The following G2E3 variants were observed in gnomAD, a reference collection of about 807,000 sequenced individuals.
G2E3 encodes the protein G2/M phase-specific E3 ubiquitin-protein ligase.
G2E3 carries 35 observed loss-of-function variants against 92.8 expected under a neutral mutation model. The observed-to-expected ratio is 0.38, with a 90% confidence interval of 0.29 to 0.50. The LOEUF is 0.50. G2E3 is among the 20% of genes least tolerant of loss of function. The pLI is 0.94. For synonymous variants in G2E3, 242 were observed against 272.4 expected, an observed-to-expected ratio of 0.89 and a Z score of 1.10; for missense variants, 554 against 823.8, an observed-to-expected ratio of 0.67 and a Z score of 4.01.
In G2E3 at chr14:30,602,161, A is replaced by C. The variant is rs754575998; in HGVS notation, c.1010+30A>C. On this transcript the variant is annotated intron_variant, in intron 10 of 14. Coordinates refer to ENST00000206595, the MANE Select transcript of G2E3 (RefSeq NM_017769.5). ...GTATTTTGAATTGGAGAAATACATA[A>C]AAATCTATTTGGAGAAAATTATGAT... 4 of 1,542,104 alleles carry C rather than the reference A, an allele frequency of 2.6e-6. No individual in the cohort carries two copies. The South Asian group carries it at 3.5e-5, about 14-fold the overall frequency.
rs750300605 is a variant in G2E3, at chr14:30,605,682, T to G, written c.1188T>G (p.Ile396Met). 3.1e-6 allele frequency: 5 copies of G among 1,610,318 alleles called. No homozygotes were observed. Among genetic ancestry groups the G allele is most frequent in the Middle Eastern group, 1.7e-4 (1 of 6,044 alleles). Residue 396 changes from isoleucine to methionine, a missense_variant, in exon 11 of 15, where the codon ATT (isoleucine) becomes ATG (methionine). By Grantham distance (10) the Ile-to-Met change is conservative (BLOSUM62 1). Transcript: ENST00000206595. ...ATGCAATTGAAGTAGCATATGTTAT[T>G]GAAAATGATAATTTTGGAAGTGAGC... ...PSYAIEVAYV[I>M]ENDNFGSEHP... is the part of the protein sequence containing the mutation.
chr14:30,582,577 C>T (rs1297286152), intron 2 of G2E3, among the ~76,000 whole-genome samples: 2 of 152,344 alleles, frequency 1.3e-5, no homozygotes, highest in South Asian at 2.1e-4. Context: ...TTTGTAGACT[C>T]AGCTAATTCT....
At chr14:30,565,124 CATT>C (rs1459535189) in intron 1 of G2E3, among the ~76,000 whole-genome samples, 3 of 152,194 alleles carry the variant, frequency 2.0e-5, no homozygotes, top group Non-Finnish European at 4.4e-5. Context: ...TCCATATCAT[CATT>C]AACACTTACT....
chr14:30,616,628 C>A lies in G2E3; in HGVS notation c.*94C>A. The stretch of plus-strand genomic sequence containing the variant: ...CCTTTTCATCATCACTTTGAACAAA[C>A]TAGTTAGCTTCTTGACCTAATAAAA... On this transcript the variant is annotated 3_prime_UTR_variant, in exon 15 of 15. Coordinates refer to ENST00000206595, the MANE Select transcript of G2E3 (RefSeq NM_017769.5). 1 of 881,292 alleles carries A rather than the reference C, an allele frequency of 1.1e-6. No individual in the cohort carries two copies. Among genetic ancestry groups the A allele is most frequent in the Non-Finnish European group, 1.8e-6 (1 of 562,160 alleles). 54.6% of individuals were successfully genotyped at this position (881,292 alleles called of 1,614,324 possible).
chr14:30,581,240 G>GT, intron 2 of G2E3, 124 bp downstream of exon 2: 1 of 601,186 alleles, frequency 1.7e-6, no homozygotes. Context: ...ACATACTAAA[G>GT]TATAATATTG....
intron 13 of G2E3, 123 bp from the exon 14 acceptor site, chr14:30,615,226 G>C: frequency 1.8e-6 from 1 of 546,844 alleles, no homozygotes; most frequent in Admixed American, 3.6e-5. Context: ...GGGGTTTTTT[G>C]GTTGTTTTTT....
At chr14:30,561,227 A>G (rs1822104813) in intron 1 of G2E3, among the ~76,000 whole-genome samples, 1 of 152,256 alleles carries the variant, frequency 6.6e-6, no homozygotes, top group Admixed American at 6.5e-5. Context: ...CTATCTTCAA[A>G]TAAGAAAACA....
chr14:30,596,135 C>CGTGTGTGTGTGTGTGTGT (rs59672554), intron 6 of G2E3, among the ~76,000 whole-genome samples: 7 of 127,188 alleles, frequency 5.5e-5, no homozygotes, highest in African/African-American at 2.1e-4. Context: ...GGTGGGTGTG[C>CGTGTGTGTGTGTGTGTGT]GTGTGTGTGT....
chr14:30,569,456 G>C (rs1266675304), intron 1 of G2E3, among the ~76,000 whole-genome samples: 2 of 152,162 alleles, frequency 1.3e-5, no homozygotes, highest in African/African-American at 4.8e-5. Flanking sequence ...CCTGGGTCCT[G>C]CCTGGAATCT....
At chr14:30,584,043 G>A (rs1594480851) in intron 2 of G2E3, among the ~76,000 whole-genome samples, 3 of 152,218 alleles carry the variant, frequency 2.0e-5, no homozygotes, top group Admixed American at 2.0e-4. Flanking sequence ...CCAGCCCCTG[G>A]TAACCACTAA....
intron 5 of G2E3, 24 bp downstream of exon 5, chr14:30,592,471 T>G (rs745757850): frequency 1.3e-6 from 2 of 1,525,350 alleles, no homozygotes; most frequent in Non-Finnish European, 1.8e-6. Flanking sequence ...CTGTTAAATA[T>G]GAAAGTTCAG....
intron 10 of G2E3, among the ~76,000 whole-genome samples, chr14:30,603,107 C>T (rs59447041): frequency 6.6e-6 from 1 of 152,112 alleles, no homozygotes; most frequent in Non-Finnish European, 1.5e-5. Context: ...GCGGGCGGAT[C>T]CCGAGGTCAA....
chr14:30,586,840 C>A, intron 3 of G2E3, 25 bp downstream of exon 3: 1 of 803,568 alleles, frequency 1.2e-6, no homozygotes, highest in South Asian at 2.6e-5. Flanking sequence ...TAATTAAATT[C>A]TAGAAATTTG....
At chr14:30,599,110 G>T (rs1448953883) in intron 8 of G2E3, among the ~76,000 whole-genome samples, 1 of 152,114 alleles carries the variant, frequency 6.6e-6, no homozygotes, top group Non-Finnish European at 1.5e-5. Flanking sequence ...GTCCTCACAC[G>T]AGTTGTCCCT....
chr14:30,601,757 T>G lies in G2E3; in HGVS notation c.753-13T>G. The G allele has an allele frequency of 2.5e-6, 4 of 1,613,868 alleles. No homozygotes were observed. The highest frequency in any genetic ancestry group is 3.4e-6 in the Non-Finnish European group (4 of 1,179,792). On this transcript the variant is annotated splice_polypyrimidine_tract_variant and intron_variant, in intron 8 of 14. Coordinates refer to ENST00000206595, the MANE Select transcript of G2E3 (RefSeq NM_017769.5). ...TAACAAAATGTAAGTTCTGCTTTTC[T>G]TTGTGTCCTCAGCAAATGGGAAATA...
At chr14:30,590,762 C>T (rs985927889) in intron 4 of G2E3, 5 of 455,454 alleles carry the variant, frequency 1.1e-5, no homozygotes, top group East Asian at 6.9e-5. Context: ...AGATGTTAAA[C>T]GTGAGATATT....
intron 1 of G2E3, among the ~76,000 whole-genome samples, chr14:30,563,738 T>A (rs866118236): frequency 5.4e-4 from 77 of 141,622 alleles, no homozygotes; most frequent in African/African-American, 1.6e-3. Flanking sequence ...TGTGTGTGTG[T>A]GATATAGAGT....
At chr14:30,599,190 C>T (rs1175080862) in intron 8 of G2E3, among the ~76,000 whole-genome samples, 1 of 151,608 alleles carries the variant, frequency 6.6e-6, no homozygotes, top group Non-Finnish European at 1.5e-5. Context: ...GGTTTAGGGC[C>T]CACCTATCTG....
intron 1 of G2E3, among the ~76,000 whole-genome samples, chr14:30,579,620 G>A (rs1282096802): frequency 6.6e-6 from 1 of 152,016 alleles, no homozygotes; most frequent in Non-Finnish European, 1.5e-5. Flanking sequence ...TGTATTTGTG[G>A]TTTTCACTCT....
Sources: gnomAD v4.1 joint callset for allele counts (sites outside exome capture counted in the v4.1 genomes callset) on GRCh38, gnomAD v4.1.1 for gene constraint, MANE v1.5 for transcripts, NCBI Gene and HGNC (gene_info 2026-07-23, HGNC 2026-07-21) for gene names.